Variants in COL4A3 observed in about 807,000 individuals in gnomAD.
The protein encoded by COL4A3 is collagen type IV alpha 3 chain.
COL4A3 carries 135 observed loss-of-function variants against 217.4 expected under a neutral mutation model. That is an observed-to-expected ratio of 0.62 (90% CI 0.54 to 0.72). COL4A3 has a LOEUF of 0.72. COL4A3 is among the 30% of genes least tolerant of loss of function. COL4A3 has a pLI of 0.00. For missense variants in COL4A3, 1,868 were observed against 2,119.9 expected, an observed-to-expected ratio of 0.88 and a Z score of 2.33; for synonymous variants, 690 against 736.3, an observed-to-expected ratio of 0.94 and a Z score of 1.02.
Position 227,313,665 on chromosome 2 carries a change from C to T in COL4A3, c.*1795C>T, listed in dbSNP as rs1444130724. On this transcript the variant is annotated 3_prime_UTR_variant, in exon 52 of 52. Coordinates refer to ENST00000396578, the MANE Select transcript of COL4A3 (RefSeq NM_000091.5). ...CACATGGTTTACATCCTTCACTGCT[C>T]ACGTGTTTGCTGTCAAGCCATTTTT... 1 of 152,650 alleles carries T rather than the reference C, an allele frequency of 6.6e-6. No homozygotes were observed. Among genetic ancestry groups the T allele is most frequent in the Non-Finnish European group, 1.5e-5 (1 of 68,054 alleles). 9.5% of individuals were successfully genotyped at this position (152,650 alleles called of 1,614,324 possible). A position where few individuals can be genotyped will look rare whatever the true frequency, so the allele number is the denominator to read the frequency against.
intron 30 of COL4A3, 80 bp from the exon 31 acceptor site, chr2:227,280,813 T>C (rs1221718883): frequency 8.5e-7 from 1 of 1,171,558 alleles, no homozygotes; most frequent in Non-Finnish European, 1.2e-6. Context: ...GAAAAAAAGT[T>C]AACAGAAGAA....
chr2:227,168,891 T>A (rs1055786350), intron 1 of COL4A3, among the ~76,000 whole-genome samples: 7 of 151,718 alleles, frequency 4.6e-5, no homozygotes, highest in Admixed American at 2.0e-4. Flanking sequence ...TTCTTTTTTT[T>A]ATTTTATTAT....
chr2:227,165,797 T>A (rs1391489977), intron 1 of COL4A3, among the ~76,000 whole-genome samples: 66 of 152,324 alleles, frequency 4.3e-4, no homozygotes, highest in African/African-American at 1.6e-3. Flanking sequence ...AGGTTCTATA[T>A]GTTTTTCCTA....
chr2:227,166,362 G>A (rs1218750942), intron 1 of COL4A3, among the ~76,000 whole-genome samples: 1 of 151,796 alleles, frequency 6.6e-6, no homozygotes, highest in African/African-American at 2.4e-5. Context: ...ATCCAAAAAA[G>A]CAAAATCCTA....
chr2:227,175,297 C>G (rs2065636961), intron 1 of COL4A3, among the ~76,000 whole-genome samples: 1 of 152,090 alleles, frequency 6.6e-6, no homozygotes, highest in Non-Finnish European at 1.5e-5. Flanking sequence ...AATGGTGACA[C>G]CCCATCTCTA....
At chr2:227,213,851 A>G (rs13384428) in intron 1 of COL4A3, among the ~76,000 whole-genome samples, 14,229 of 149,632 alleles carry the variant, frequency 0.095, 986 homozygotes, top group African/African-American at 0.19. Flanking sequence ...GCAGTGAGCC[A>G]AGATCACACC....
intron 41 of COL4A3, chr2:227,296,253 T>G (rs1439918474): frequency 6.6e-6 from 1 of 152,284 alleles, no homozygotes; most frequent in Non-Finnish European, 1.5e-5. Flanking sequence ...CCTTTCCCAA[T>G]GAGGATGAAG....
chr2:227,251,024 G>A (rs2069709932), intron 9 of COL4A3, 116 bp from the exon 10 acceptor site: 1 of 810,346 alleles, frequency 1.2e-6, no homozygotes, highest in East Asian at 2.6e-5. Flanking sequence ...CACTGAAAGG[G>A]GAGGTGTTAT....
Position 227,253,412 on chromosome 2 carries a change from T to G in COL4A3, c.687+75T>G, listed in dbSNP as rs774342499. The G allele has an allele frequency of 1.3e-6, 2 of 1,537,812 alleles. No homozygotes were observed. The highest frequency in any genetic ancestry group is 1.8e-6 in the Non-Finnish European group (2 of 1,110,426). ...GAGCATATCAGCCTATACCGTTTACTTACGGGCCAAGCTGAAATTGATGGG... is the reference window on the plus strand; with the variant it reads ...GAGCATATCAGCCTATACCGTTTACGTACGGGCCAAGCTGAAATTGATGGG... On this transcript the variant is annotated intron_variant, in intron 12 of 51. Coordinates refer to ENST00000396578, the MANE Select transcript of COL4A3 (RefSeq NM_000091.5). This position sits in a 1 kb window ranked among gnomAD's most constrained non-coding sequence, Gnocchi z 4.4.
At chr2:227,245,499 T>C (rs150179866) in intron 5 of COL4A3, among the ~76,000 whole-genome samples, 307 of 152,234 alleles carry the variant, frequency 2.0e-3, no homozygotes, top group African/African-American at 7.1e-3. Context: ...TGGATTTTGG[T>C]ATTCATAGGG....
intron 1 of COL4A3, among the ~76,000 whole-genome samples, chr2:227,193,955 A>G (rs1307648491): frequency 1.2e-3 from 7 of 5,648 alleles, no homozygotes; most frequent in African/African-American, 1.9e-3. Flanking sequence ...GGGAGGGAGG[A>G]AGGAAGGAAG....
At chr2:227,280,857 T>C (rs951072338) in intron 30 of COL4A3, 36 bp from the exon 31 acceptor site, 4 of 1,430,856 alleles carry the variant, frequency 2.8e-6, no homozygotes, top group Non-Finnish European at 3.9e-6. Flanking sequence ...CCTTAAGTTC[T>C]AGCACCTGGG....
intron 41 of COL4A3, among the ~76,000 whole-genome samples, chr2:227,296,696 C>T (rs907864571): frequency 1.3e-5 from 2 of 152,194 alleles, no homozygotes; most frequent in African/African-American, 4.8e-5. Context: ...CTGAAGTCAT[C>T]TAAGCACTTT....
rs868593535 is a variant in COL4A3 at position 227,203,523 on chromosome 2, A to G, written c.88-34445A>G. 2.5e-3 allele frequency among the ~76,000 whole-genome samples: 123 copies of G among 49,256 alleles called. 36 individuals carry two copies. In the Middle Eastern group the frequency reaches 0.071, roughly 29 times the overall value. 32.3% of individuals were successfully genotyped at this position (49,256 alleles called of 152,430 possible). A position where few individuals can be genotyped will look rare whatever the true frequency, so the allele number is the denominator to read the frequency against. ...TATATATACATATATGTGTGTATAT[A>G]TGTGTATATATACATATATGTGTGT... is the stretch of plus-strand genomic sequence containing the variant. On this transcript the variant is annotated intron_variant, in intron 1 of 51. Transcript: ENST00000396578.
intron 1 of COL4A3, among the ~76,000 whole-genome samples, chr2:227,199,954 C>G (rs992742299): frequency 1.3e-5 from 2 of 152,214 alleles, no homozygotes; most frequent in Admixed American, 1.3e-4. Context: ...TGCATGTTTA[C>G]TCACAGTCTA....
intron 1 of COL4A3, among the ~76,000 whole-genome samples, chr2:227,171,558 C>T (rs1162579907): frequency 2.5e-4 from 38 of 152,174 alleles, no homozygotes; most frequent in Admixed American, 2.5e-3. Context: ...TCTTAGTCTG[C>T]TTGGGCTGCC....
At chr2:227,170,818 A>G (rs1324744593) in intron 1 of COL4A3, among the ~76,000 whole-genome samples, 2 of 152,166 alleles carry the variant, frequency 1.3e-5, no homozygotes, top group African/African-American at 4.8e-5. Context: ...CAGTTTAGGG[A>G]GTTTCACTCC....
chr2:227,228,290 G>A (rs761990791), intron 1 of COL4A3, among the ~76,000 whole-genome samples: 1 of 152,252 alleles, frequency 6.6e-6, no homozygotes, highest in Non-Finnish European at 1.5e-5. Context: ...TGGTGCCAGG[G>A]CACATGGTTG....
rs374145134 is a variant in COL4A3, at chr2:227,295,303, C to A, written c.3552C>A (p.Asn1184Lys). ...LLRAPPGPRG[N>K]PGAQGAKGDR... ...GGGCCCCTCCAGGCCCAAGAGGGAA[C>A]CCTGGTGCTCAAGGTAAGCAGTTCT... Residue 1184 changes from asparagine to lysine, a missense_variant, in exon 41 of 52, where the codon AAC (asparagine) becomes AAA (lysine). Coordinates refer to ENST00000396578, the MANE Select transcript of COL4A3 (RefSeq NM_000091.5). 1.9e-6 allele frequency: 3 copies of A among 1,613,936 alleles called. No homozygotes were observed. The highest frequency in any genetic ancestry group is 2.5e-6 in the Non-Finnish European group (3 of 1,179,950).
Sources: gnomAD v4.1 joint callset for allele counts (sites outside exome capture counted in the v4.1 genomes callset) on GRCh38, gnomAD v4.1.1 for gene constraint, Gnocchi (gnomAD v3.1) non-coding constraint, MANE v1.5 for transcripts, NCBI Gene and HGNC (gene_info 2026-07-23, HGNC 2026-07-21) for gene names.